FRYL: variants seen among roughly 807,000 people sequenced by gnomAD.
FRYL encodes the protein FRY like transcription coactivator.
Under a neutral mutation model 351.2 loss-of-function variants are expected in FRYL, and 150 were observed. The ratio of observed to expected loss-of-function variants is 0.43; its 90% CI spans 0.37 to 0.49. The LOEUF (loss-of-function observed/expected upper bound fraction) is 0.49, where lower values mean the gene tolerates loss of function less well. Ranked by LOEUF, FRYL falls within the 20% of genes least tolerant of loss-of-function variation. FRYL has a pLI of 0.00. For missense variants in FRYL, 3,036 were observed against 3,619.3 expected, an observed-to-expected ratio of 0.84 and a Z score of 4.13; for synonymous variants, 1,153 against 1,257.1, an observed-to-expected ratio of 0.92 and a Z score of 1.75.
intron 1 of FRYL, among the ~76,000 whole-genome samples, chr4:48,737,989 C>G (rs760497030): frequency 1.3e-5 from 2 of 152,176 alleles, no homozygotes; most frequent in Non-Finnish European, 2.9e-5. Flanking sequence ...AAAAAACCTA[C>G]TGTTAACCTC....
intron 1 of FRYL, among the ~76,000 whole-genome samples, chr4:48,769,269 T>C (rs1274296097): frequency 3.9e-5 from 6 of 152,214 alleles, no homozygotes; most frequent in African/African-American, 1.4e-4. Context: ...AAAGAACTTC[T>C]ATCTAGAATA....
intron 1 of FRYL, among the ~76,000 whole-genome samples, chr4:48,733,287 AAAT>A (rs1770942029): frequency 6.6e-6 from 1 of 151,772 alleles, no homozygotes. Context: ...GAAAAATAAA[AAAT>A]AATGAGAAAA....
chr4:48,514,930 A>G (rs570287419), intron 56 of FRYL, 98 bp downstream of exon 56: 2 of 1,028,714 alleles, frequency 1.9e-6, no homozygotes, highest in African/African-American at 3.2e-5. Context: ...ACACACAAAG[A>G]AATGAAAGTA....
intron 1 of FRYL, among the ~76,000 whole-genome samples, chr4:48,723,219 T>C (rs974769714): frequency 1.1e-4 from 16 of 152,282 alleles, no homozygotes; most frequent in African/African-American, 3.8e-4. Flanking sequence ...CACAGCTCAC[T>C]GCAGCCTCGA....
chr4:48,731,640 A>T (rs1770735992), intron 1 of FRYL, among the ~76,000 whole-genome samples: 3 of 152,112 alleles, frequency 2.0e-5, no homozygotes, highest in Non-Finnish European at 4.4e-5. Flanking sequence ...CACATCTACC[A>T]CCATCTGATC....
intron 3 of FRYL, among the ~76,000 whole-genome samples, chr4:48,682,284 A>AAG (rs1764710447): frequency 6.6e-6 from 1 of 152,222 alleles, no homozygotes; most frequent in African/African-American, 2.4e-5. Flanking sequence ...AGATGGATTA[A>AAG]AGACTTAAAT....
chr4:48,513,141 C>CAACT (rs781083120), intron 56 of FRYL, among the ~76,000 whole-genome samples: 10 of 152,090 alleles, frequency 6.6e-5, no homozygotes, highest in Non-Finnish European at 1.2e-4. Flanking sequence ...TCAGTCTTCA[C>CAACT]AACTATATGA....
chr4:48,556,883 G>T (rs1734233055), intron 35 of FRYL, 95 bp downstream of exon 35: 8 of 1,146,238 alleles, frequency 7.0e-6, no homozygotes, highest in Middle Eastern at 2.5e-4. Flanking sequence ...GCCTTGCCTT[G>T]CCTCTCCTGG....
chr4:48,730,008 A>C (rs907657926), intron 1 of FRYL, among the ~76,000 whole-genome samples: 1 of 152,218 alleles, frequency 6.6e-6, no homozygotes, highest in Non-Finnish European at 1.5e-5. Flanking sequence ...CGAATGGCTA[A>C]TTAGAATAAC....
intron 36 of FRYL, 112 bp from the exon 37 acceptor site, chr4:48,551,690 T>A: frequency 1.5e-6 from 1 of 669,020 alleles, no homozygotes. Flanking sequence ...GAGAGCAAAG[T>A]CATTTAAAAA....
intron 16 of FRYL, 24 bp from the exon 17 acceptor site, chr4:48,590,854 G>C: frequency 6.4e-7 from 1 of 1,568,866 alleles, no homozygotes; most frequent in Non-Finnish European, 8.7e-7. Flanking sequence ...AAATGCAAAA[G>C]GAAGAGATGA....
chr4:48,744,417 G>A (rs1483595615), intron 1 of FRYL, among the ~76,000 whole-genome samples: 2 of 151,900 alleles, frequency 1.3e-5, no homozygotes, highest in African/African-American at 4.8e-5. Flanking sequence ...AAATGACAAG[G>A]AAAAAAATGT....
In FRYL at chr4:48,563,966, G is replaced by A; in HGVS notation, c.3578C>T (p.Ala1193Val). 1 of 1,613,918 alleles carries A rather than the reference G, an allele frequency of 6.2e-7. No individual in the cohort carries two copies. The highest frequency in any genetic ancestry group is 8.5e-7 in the Non-Finnish European group (1 of 1,179,954). The change falls in exon 31 of 64, where the codon GCT (alanine) becomes GTT (valine). Residue 1193 changes from alanine (A) to valine (V), a missense_variant. Ala to Val is a moderately conservative substitution (Grantham distance 64, BLOSUM62 0). Coordinates refer to ENST00000358350, the MANE Select transcript of FRYL (RefSeq NM_015030.2). ...RVAAGCFKAI[A>V]NVFQNRDYQC... ...AAAGTACCTGTTCTGGAAAACATTA[G>A]CAATGGCTTTAAAGCAGCCGGCCGC...
intron 3 of FRYL, among the ~76,000 whole-genome samples, chr4:48,683,043 A>G (rs1447058742): frequency 1.3e-5 from 2 of 152,188 alleles, no homozygotes; most frequent in Admixed American, 6.6e-5. Flanking sequence ...GATAAACTGG[A>G]GAAAAGAAAA....
chr4:48,721,753 G>T (rs1769493523), intron 1 of FRYL, among the ~76,000 whole-genome samples: 1 of 152,028 alleles, frequency 6.6e-6, no homozygotes, highest in Non-Finnish European at 1.5e-5. Flanking sequence ...AATTCTCCCT[G>T]TCTCAGCCTC....
chr4:48,758,226 T>C (rs1219852568), intron 1 of FRYL, among the ~76,000 whole-genome samples: 3 of 152,134 alleles, frequency 2.0e-5, no homozygotes, highest in Non-Finnish European at 2.9e-5. Flanking sequence ...AAAGCCAAAA[T>C]TGACAAATGA....
At position 48,549,076 on chromosome 4, in the gene FRYL, A is replaced by G. The variant is rs113679831; in HGVS notation, c.4785-283T>C. Among the ~76,000 whole-genome samples the G allele has an allele frequency of 2.5e-3, 374 of 152,310 alleles. 1 individual carries two copies. Among genetic ancestry groups the G allele is most frequent in the African/African-American group, 8.6e-3 (356 of 41,578 alleles). ...ACACTGCTTGCCACAGTAGGTGTTC[A>G]ATACATGTTTGGTGCATTAATACAT... On this transcript the variant is annotated intron_variant, in intron 39 of 63. Transcript: ENST00000358350. This position sits in a 1 kb window ranked among gnomAD's most constrained non-coding sequence, Gnocchi z 4.2.
chr4:48,618,854 A>G (rs1189334134), intron 7 of FRYL: 1 of 155,492 alleles, frequency 6.4e-6, no homozygotes, highest in African/African-American at 2.4e-5. Flanking sequence ...GCACATGACA[A>G]TTCAGTACCC....
At chr4:48,661,088 A>C (rs1010172943) in intron 3 of FRYL, among the ~76,000 whole-genome samples, 1 of 152,260 alleles carries the variant, frequency 6.6e-6, no homozygotes, top group Non-Finnish European at 1.5e-5. Flanking sequence ...AACAGTGTAC[A>C]ACAATGTAAA....
Sources: allele counts gnomAD v4.1 joint callset (sites outside exome capture counted in the v4.1 genomes callset), GRCh38; gene constraint gnomAD v4.1.1; non-coding constraint Gnocchi (gnomAD v3.1); transcripts MANE v1.5; gene names NCBI Gene and HGNC (gene_info 2026-07-23, HGNC 2026-07-21).